The following MAML3 variants were observed in gnomAD, a reference collection of about 807,000 sequenced individuals.
MAML3 encodes mastermind-like protein 3.
In MAML3, 27 loss-of-function variants were observed where a neutral mutation model predicts 101.9. The ratio of observed to expected loss-of-function variants is 0.27; its 90% CI spans 0.20 to 0.37. The LOEUF (loss-of-function observed/expected upper bound fraction) is 0.37, where lower values mean the gene tolerates loss of function less well. MAML3 is among the 10% of genes least tolerant of loss of function. The pLI is 1.00. For missense variants in MAML3, 1,316 were observed against 1,444.9 expected (o/e 0.91, Z 1.45); for synonymous variants, 501 against 555.9 (o/e 0.90, Z 1.39).
At chr4:139,938,233 T>C (rs939367487) in intron 1 of MAML3, among the ~76,000 whole-genome samples, 1 of 152,168 alleles carries the variant, frequency 6.6e-6, no homozygotes. Context: ...TACTAAGGAC[T>C]GGGAGAAAGG....
intron 1 of MAML3, among the ~76,000 whole-genome samples, chr4:140,108,279 G>A (rs1546715): frequency 0.7 from 106,213 of 151,546 alleles, 40,609 homozygotes; most frequent in East Asian, 0.91. Context: ...GCTCTACCAC[G>A]GGCTACTCTT....
chr4:139,967,155 G>T (rs951356593), intron 1 of MAML3, among the ~76,000 whole-genome samples: 21 of 152,050 alleles, frequency 1.4e-4, no homozygotes, highest in Middle Eastern at 3.2e-3. Flanking sequence ...TTCTCTGAGG[G>T]TCACTTCATA....
intron 1 of MAML3, among the ~76,000 whole-genome samples, chr4:140,145,158 T>C (rs758936043): frequency 1.5e-4 from 23 of 152,290 alleles, no homozygotes; most frequent in Non-Finnish European, 2.9e-4. Context: ...GAGAAAGATG[T>C]TGGGAAAGGG....
At chr4:140,122,719 G>A (rs920666689) in intron 1 of MAML3, among the ~76,000 whole-genome samples, 3 of 150,904 alleles carry the variant, frequency 2.0e-5, no homozygotes, top group Admixed American at 6.6e-5. Flanking sequence ...GTGAACCCGG[G>A]AGGCGGAGCT....
chr4:139,823,291 A>G (rs528256682), intron 2 of MAML3, among the ~76,000 whole-genome samples: 1 of 152,306 alleles, frequency 6.6e-6, no homozygotes, highest in Admixed American at 6.5e-5. Context: ...CCAGCTGAGA[A>G]CCCTGAACTG....
intron 1 of MAML3, among the ~76,000 whole-genome samples, chr4:139,927,144 G>A (rs929280272): frequency 6.1e-5 from 9 of 146,396 alleles, no homozygotes; most frequent in African/African-American, 7.7e-5. Flanking sequence ...GGTTGGTCTC[G>A]AACTCCTGAC....
chr4:139,889,496 T>C lies in MAML3; in HGVS notation c.1940A>G (p.Gln647Arg), dbSNP rs1407392773. ...QQQQQQQQQQ[Q>R]QQQPPPPQLQ... The stretch of plus-strand genomic sequence containing the variant: ...CTGTGGAGGTGGCGGCTGCTGCTGC[T>C]GCTGCTGCTGCTGTTGCTGTTGCTG... The change falls in exon 2 of 5, where the codon CAG becomes CGG. Residue 647 changes from glutamine (Q) to arginine (R), a missense_variant. Physicochemically the swap from Gln to Arg is conservative, Grantham distance 43. Coordinates refer to ENST00000509479, the MANE Select transcript of MAML3 (RefSeq NM_018717.5). The C allele has an allele frequency of 2.5e-6, 4 of 1,611,872 alleles. No homozygotes were observed. The highest frequency in any genetic ancestry group is 4.5e-5 in the East Asian group (2 of 44,858).
chr4:139,914,030 T>C (rs1377905180), intron 1 of MAML3, among the ~76,000 whole-genome samples: 11 of 152,204 alleles, frequency 7.2e-5, no homozygotes, highest in Non-Finnish European at 1.0e-4. Flanking sequence ...AAGTATCCAG[T>C]AACAAATTGT....
chr4:139,808,073 A>G (rs1277953427), intron 2 of MAML3, among the ~76,000 whole-genome samples: 9 of 152,204 alleles, frequency 5.9e-5, no homozygotes, highest in Admixed American at 5.9e-4. Context: ...CCACGGGCAC[A>G]ATGCTGAGAA....
chr4:139,947,683 G>T (rs1260807489), intron 1 of MAML3, among the ~76,000 whole-genome samples: 1 of 152,176 alleles, frequency 6.6e-6, no homozygotes, highest in Non-Finnish European at 1.5e-5. Context: ...CTAGCTACCT[G>T]CTGTGATCCT....
At chr4:139,826,369 G>A (rs1203523974) in intron 2 of MAML3, among the ~76,000 whole-genome samples, 1 of 152,094 alleles carries the variant, frequency 6.6e-6, no homozygotes, top group Admixed American at 6.6e-5. Flanking sequence ...TCATAAGAGT[G>A]CTTACCTTCT....
intron 2 of MAML3, among the ~76,000 whole-genome samples, chr4:139,815,360 T>C (rs1286013609): frequency 1.3e-5 from 2 of 152,274 alleles, no homozygotes; most frequent in Admixed American, 1.3e-4. Context: ...GAGCTTATTA[T>C]GTGCTAGGCA....
chr4:140,131,279 G>T (rs1354425950), intron 1 of MAML3, among the ~76,000 whole-genome samples: 1 of 152,194 alleles, frequency 6.6e-6, no homozygotes, highest in Non-Finnish European at 1.5e-5. Context: ...GCCCTTAAAA[G>T]TCAACTGAAT....
rs2111024304 is a variant in MAML3, at chr4:140,120,448, T to G, written c.468+32412A>C. ...AGGCTTCGTATCATTCTTGATATGA[T>G]ATCATTTCTGTTTCTCTATTTCCTT... On this transcript the variant is annotated intron_variant, in intron 1 of 4. Transcript: ENST00000509479. Among the ~76,000 whole-genome samples the G allele has an allele frequency of 1.3e-5, 2 of 152,352 alleles. 1 individual carries two copies. The highest frequency in any genetic ancestry group is 4.1e-4 in the South Asian group (2 of 4,824).
chr4:139,986,868 C>A lies in MAML3; in HGVS notation c.469-95901G>T, dbSNP rs527544881. ...GTTGGATAGCATGTGGCTGATAGGT[C>A]TCAGGAGATGAGGAACAAACAGCCA... is the stretch of plus-strand genomic sequence containing the variant. On this transcript the variant is annotated intron_variant, in intron 1 of 4. Coordinates refer to ENST00000509479, the MANE Select transcript of MAML3 (RefSeq NM_018717.5). Among the ~76,000 whole-genome samples the A allele has an allele frequency of 4.1e-4, 63 of 152,306 alleles. 1 individual carries two copies. Among genetic ancestry groups the A allele is most frequent in the African/African-American group, 1.3e-3 (55 of 41,560 alleles).
intron 2 of MAML3, among the ~76,000 whole-genome samples, chr4:139,802,543 T>C (rs942183760): frequency 6.6e-6 from 1 of 152,158 alleles, no homozygotes; most frequent in African/African-American, 2.4e-5. Flanking sequence ...ATTGGAATAA[T>C]AAAATTACAA....
chr4:139,950,202 G>A (rs560088294), intron 1 of MAML3, among the ~76,000 whole-genome samples: 26 of 152,164 alleles, frequency 1.7e-4, no homozygotes, highest in African/African-American at 4.6e-4. Context: ...CACCATGCCC[G>A]GCTAATTTTT....
intron 2 of MAML3, among the ~76,000 whole-genome samples, chr4:139,774,905 G>A (rs1730063519): frequency 6.6e-6 from 1 of 152,106 alleles, no homozygotes; most frequent in Non-Finnish European, 1.5e-5. Flanking sequence ...GTATGTAAAC[G>A]CTAATCAGGC....
intron 1 of MAML3, among the ~76,000 whole-genome samples, chr4:139,952,847 TCTCTTTTCTCACCAACCAG>T (rs1396526535): frequency 6.6e-6 from 1 of 152,196 alleles, no homozygotes; most frequent in African/African-American, 2.4e-5. Flanking sequence ...CCCTAGGCTA[TCTCTTTTCTCACCAACCAG>T]CTGGAAGCAA....
Sources: gnomAD v4.1 joint callset for allele counts (sites outside exome capture counted in the v4.1 genomes callset) on GRCh38, gnomAD v4.1.1 for gene constraint, MANE v1.5 for transcripts, NCBI Gene and HGNC (gene_info 2026-07-23, HGNC 2026-07-21) for gene names.